The following ABCA3 variants were observed in gnomAD, a reference collection of about 807,000 sequenced individuals.
ABCA3 encodes the protein ATP binding cassette subfamily A member 3.
In ABCA3, 88 loss-of-function variants were observed where a neutral mutation model predicts 172.8. The ratio of observed to expected loss-of-function variants is 0.51; its 90% CI spans 0.43 to 0.61. ABCA3 has a LOEUF of 0.61. Ranked by LOEUF, ABCA3 falls within the 20% of genes least tolerant of loss-of-function variation. The pLI is 0.00. For synonymous variants in ABCA3, 1,066 were observed against 983.8 expected (o/e 1.08, Z -1.56); for missense variants, 2,164 against 2,301.0 (o/e 0.94, Z 1.22).
At chr16:2,327,892 T>C (rs913269459) in intron 3 of ABCA3, among the ~76,000 whole-genome samples, 3 of 152,180 alleles carry the variant, frequency 2.0e-5, no homozygotes, top group African/African-American at 4.8e-5. Context: ...GACTCATTTT[T>C]ATATTTTTAG....
Position 2,285,110 on chromosome 16 carries a change from G to T in ABCA3, c.3484-112C>A, listed in dbSNP as rs2093660874. The T allele has an allele frequency of 7.2e-6, 9 of 1,246,098 alleles. No individual in the cohort carries two copies. Among genetic ancestry groups the T allele is most frequent in the Middle Eastern group, 2.6e-4 (1 of 3,824 alleles). 77.2% of individuals were successfully genotyped at this position (1,246,098 alleles called of 1,614,324 possible). On this transcript the variant is annotated intron_variant, in intron 23 of 32. Transcript: ENST00000301732. This position sits in a 1 kb window ranked among gnomAD's most constrained non-coding sequence, Gnocchi z 4.7. The stretch of plus-strand genomic sequence containing the variant: ...TCCTCAGACCCCTCCCGGTCAGCTG[G>T]CCCATGTCCATCAGCCCCACAGGCC...
chr16:2,288,602 G>T (rs1333137560), intron 20 of ABCA3, among the ~76,000 whole-genome samples: 2 of 152,172 alleles, frequency 1.3e-5, no homozygotes, highest in African/African-American at 4.8e-5. Flanking sequence ...GTCACTGGGG[G>T]TGGAGTGCAG....
intron 14 of ABCA3, among the ~76,000 whole-genome samples, chr16:2,299,081 AGGGGTCCCTG>A (rs1182317929): frequency 1.4e-5 from 2 of 139,970 alleles, no homozygotes; most frequent in Non-Finnish European, 3.2e-5. Flanking sequence ...TGAGGAGGGC[AGGGGTCCCTG>A]GGGGTCCCCC....
Position 2,277,880 on chromosome 16 carries a change from T to G in ABCA3, c.4908A>C (p.Pro1636=). The change falls in exon 31 of 33, where the codon CCA becomes CCC. Residue 1636 remains proline, a splice_region_variant and synonymous_variant. Transcript: ENST00000301732. The surrounding 1 kb of genome is among the most constrained non-coding windows in gnomAD (Gnocchi z 5.3). ...EFKAFVDLTF[P]GSVLEDEHQG... Reference sequence around the variant, plus strand: ...GGGGCTGCCGGGGCCGGCACACACCTGGAAAGGTCAGGTCCACGAAGGCCT... The same window carrying G: ...GGGGCTGCCGGGGCCGGCACACACCGGGAAAGGTCAGGTCCACGAAGGCCT... The G allele has an allele frequency of 6.2e-7, 1 of 1,608,806 alleles. No individual in the cohort carries two copies. Among genetic ancestry groups the G allele is most frequent in the Admixed American group, 1.7e-5 (1 of 60,002 alleles).
At chr16:2,280,230 C>A (rs1020777641) in intron 28 of ABCA3, among the ~76,000 whole-genome samples, 8 of 152,242 alleles carry the variant, frequency 5.3e-5, no homozygotes, top group African/African-American at 1.9e-4. Context: ...TTTTCAATTG[C>A]ATAATTTATT....
chr16:2,301,833 G>A (rs1419380505), intron 12 of ABCA3, among the ~76,000 whole-genome samples: 2 of 152,224 alleles, frequency 1.3e-5, no homozygotes, highest in African/African-American at 2.4e-5. Flanking sequence ...GGTTTGTTGG[G>A]AGCAAGCCCC....
intron 10 of ABCA3, among the ~76,000 whole-genome samples, chr16:2,311,476 T>C (rs1426714437): frequency 1.3e-5 from 2 of 152,318 alleles, no homozygotes; most frequent in African/African-American, 2.4e-5. Context: ...AACGAACTTT[T>C]TGCGCTCTGT....
rs918921301 is a variant in ABCA3, at chr16:2,326,171, T to C, written c.158A>G (p.Asn53Ser). Residue 53 changes from asparagine to serine, a missense_variant, in exon 5 of 33, where the codon AAC (asparagine) becomes AGC (serine). Asn to Ser is a conservative substitution (Grantham distance 46). This residue lies in a region of ABCA3 where 1,343 missense variants were observed against 1,369.6 expected (regional missense o/e 0.98). Transcript: ENST00000301732. ...RLKIQSENVP[N>S]ATIYPGQSIQ... ...GGACTGGCCCGGGTAGATGGTGGCG[T>C]TGGGCACATTTTCCGACTGAATCTT... is the stretch of plus-strand genomic sequence containing the variant. 3.7e-6 allele frequency: 6 copies of C among 1,613,980 alleles called. No homozygotes were observed. The highest frequency in any genetic ancestry group is 3.3e-5 in the Admixed American group (2 of 60,004).
In ABCA3 at chr16:2,285,298, C is replaced by T; in HGVS notation, c.3483+144G>A. On this transcript the variant is annotated intron_variant, in intron 23 of 32. Transcript: ENST00000301732. This position sits in a 1 kb window ranked among gnomAD's most constrained non-coding sequence, Gnocchi z 4.7. ...CAGGGAGGAGGCGAGGGGGCAGCCG[C>T]CAGGGGATTCCAGCTGTCCTCCCTG... 1 of 1,050,466 alleles carries T rather than the reference C, an allele frequency of 9.5e-7. No homozygotes were observed. Among genetic ancestry groups the T allele is most frequent in the South Asian group, 1.4e-5 (1 of 73,528 alleles). 65.1% of individuals were successfully genotyped at this position (1,050,466 alleles called of 1,614,324 possible). A position where few individuals can be genotyped will look rare whatever the true frequency, so the allele number is the denominator to read the frequency against.
chr16:2,326,032 C>A lies in ABCA3; in HGVS notation c.297G>T (p.Arg99Ser), dbSNP rs1240908252. The stretch of plus-strand genomic sequence containing the variant: ...CACCTCGCATGTTGATCACAAGTGC[C>A]CTGCGCACTGTCTCAGTGACGGTCT... ...AAKTVTETVR[R>S]ALVINMRVRG... The change falls in exon 5 of 33, where the codon AGG becomes AGT. Residue 99 changes from arginine (R) to serine (S), a missense_variant. This residue lies in a region of ABCA3 where 1,343 missense variants were observed against 1,369.6 expected (regional missense o/e 0.98). Transcript: ENST00000301732. 2.5e-6 allele frequency: 4 copies of A among 1,613,942 alleles called. No homozygotes were observed. The highest frequency in any genetic ancestry group is 3.4e-6 in the Non-Finnish European group (4 of 1,179,988).
intron 17 of ABCA3, among the ~76,000 whole-genome samples, chr16:2,296,277 C>A (rs1485945787): frequency 2.0e-5 from 3 of 151,856 alleles, no homozygotes; most frequent in Admixed American, 2.0e-4. Flanking sequence ...GTCACCCAGG[C>A]TGGAGTGCAG....
intron 1 of ABCA3, among the ~76,000 whole-genome samples, chr16:2,332,957 C>G (rs569791698): frequency 3.3e-5 from 5 of 152,162 alleles, no homozygotes; most frequent in Non-Finnish European, 7.3e-5. Flanking sequence ...CAGGCACATG[C>G]CACCATACCT....
At position 2,284,942 on chromosome 16, in the gene ABCA3, G is replaced by A. The variant is rs753638942; in HGVS notation, c.3540C>T (p.Asp1180=). 25 of 1,613,820 alleles carry A rather than the reference G, an allele frequency of 1.5e-5. No individual in the cohort carries two copies. Among genetic ancestry groups the A allele is most frequent in the Non-Finnish European group, 1.9e-5 (23 of 1,180,024 alleles). The stretch of plus-strand genomic sequence containing the variant: ...CGTAGAGCAGGAGCAGCAGCAGGGT[G>A]TCAGCCATGTGGCCGTCCCGCGTGA... ...RAFTRDGHMA[D]TLLLLLLYGW... The change falls in exon 24 of 33, where the codon GAC becomes GAT. Residue 1180 remains aspartate, a synonymous_variant. Transcript: ENST00000301732. The surrounding 1 kb of genome is among the most constrained non-coding windows in gnomAD (Gnocchi z 5.9).
Position 2,308,561 on chromosome 16 carries a change from C to CGAAGAAGTAGGGGATGTAGGT in ABCA3, c.1153_1173dup (p.Thr385_Phe391dup), listed in dbSNP as rs769979152. 19 of 1,614,156 alleles carry CGAAGAAGTAGGGGATGTAGGT rather than the reference C, an allele frequency of 1.2e-5. No individual in the cohort carries two copies. The highest frequency in any genetic ancestry group is 1.4e-5 in the Non-Finnish European group (16 of 1,180,030). On this transcript the variant is annotated inframe_insertion, in exon 11 of 33. Coordinates refer to ENST00000301732, the MANE Select transcript of ABCA3 (RefSeq NM_001089.3). ...GTCATCCAGTTGTACCGAGGGGCCA[C>CGAAGAAGTAGGGGATGTAGGT]GAAGAAGTAGGGGATGTAGGTGAAG...
rs149691533 is a variant in ABCA3 at position 2,329,214 on chromosome 16, A to G, written c.-332+434T>C. On this transcript the variant is annotated intron_variant, in intron 2 of 32. Transcript: ENST00000301732. The stretch of plus-strand genomic sequence containing the variant: ...AGGGGCAACTTAATAAATTATCCCA[A>G]TTCTTTTAAAATTAATAAGGTAGAA... Among the ~76,000 whole-genome samples the G allele has an allele frequency of 7.9e-5, 12 of 152,338 alleles. No individual in the cohort carries two copies. The East Asian group carries it at 2.3e-3, about 29-fold the overall frequency.
chr16:2,339,216 G>C (rs956692022), intron 1 of ABCA3: 2 of 152,220 alleles, frequency 1.3e-5, no homozygotes, highest in Admixed American at 6.5e-5. Flanking sequence ...TTGAGACTAC[G>C]TCAAAATGGG....
At position 2,326,186 on chromosome 16, in the gene ABCA3, G is replaced by A. The variant is rs763721411; in HGVS notation, c.143C>T (p.Ser48Leu). ...GATGGTGGCGTTGGGCACATTTTCC[G>A]ACTGAATCTTCAAGCGGAGCCAGAT... is the stretch of plus-strand genomic sequence containing the variant. The part of the protein sequence containing the change: ...ILIWLRLKIQ[S>L]ENVPNATIYP... The change falls in exon 5 of 33, where the codon TCG (serine) becomes TTG (leucine). Residue 48 changes from serine to leucine, a missense_variant. By Grantham distance (145) the Ser-to-Leu change is moderately radical (BLOSUM62 -2). Transcript: ENST00000301732. 1.5e-5 allele frequency: 25 copies of A among 1,614,016 alleles called. No individual in the cohort carries two copies. The East Asian group carries it at 3.1e-4, about 20-fold the overall frequency.
chr16:2,282,292 T>C (rs1292945371), intron 26 of ABCA3, among the ~76,000 whole-genome samples: 1 of 152,066 alleles, frequency 6.6e-6, no homozygotes, highest in Non-Finnish European at 1.5e-5. Context: ...AGAGATAGGG[T>C]CTCACTATGT....
At chr16:2,305,013 G>A (rs192617241) in intron 11 of ABCA3, among the ~76,000 whole-genome samples, 17 of 151,986 alleles carry the variant, frequency 1.1e-4, no homozygotes, top group African/African-American at 3.9e-4. Flanking sequence ...GGGTTTCACC[G>A]TGTTGCCCAG....
Sources: allele counts gnomAD v4.1 joint callset (sites outside exome capture counted in the v4.1 genomes callset), GRCh38; gene constraint gnomAD v4.1.1; regional missense constraint gnomAD v4.1.1; non-coding constraint Gnocchi (gnomAD v3.1); transcripts MANE v1.5; gene names NCBI Gene and HGNC (gene_info 2026-07-23, HGNC 2026-07-21).